The following FAM234A variants were observed in gnomAD, a reference collection of about 807,000 sequenced individuals.
FAM234A encodes family with sequence similarity 234 member A.
A neutral mutation model predicts 49.1 loss-of-function variants in FAM234A; 42 were observed. The ratio of observed to expected loss-of-function variants is 0.86; its 90% CI spans 0.67 to 1.11. The LOEUF (loss-of-function observed/expected upper bound fraction) is 1.11. FAM234A is among the 50% of genes least tolerant of loss of function. FAM234A has a pLI of 0.00. For synonymous variants in FAM234A, 369 were observed against 316.2 expected (o/e 1.17, Z -1.77); for missense variants, 815 against 745.2 (o/e 1.09, Z -1.09).
chr16:262,597 C>T lies in FAM234A; in HGVS notation c.971+44C>T, dbSNP rs776885884. On this transcript the variant is annotated intron_variant, in intron 8 of 12. Transcript: ENST00000399932. ...CTTTCTCCATGCAGAGCGCCCACCCCATGGCTCTGCTCGCCTGCCTCAGCG... is the reference window on the plus strand; with the variant it reads ...CTTTCTCCATGCAGAGCGCCCACCCTATGGCTCTGCTCGCCTGCCTCAGCG... 3.6e-5 allele frequency: 54 copies of T among 1,515,728 alleles called. No homozygotes were observed. The Middle Eastern group carries it at 2.2e-3, about 63-fold the overall frequency. 93.9% of individuals were successfully genotyped at this position (1,515,728 alleles called of 1,614,324 possible).
At chr16:249,402 G>C (rs2050919632) in intron 1 of FAM234A, 147 bp from the exon 2 acceptor site, 1 of 151,974 alleles carries the variant, frequency 6.6e-6, no homozygotes, top group Non-Finnish European at 1.5e-5. Flanking sequence ...TCCTTCTGGG[G>C]GTGGCATCAG....
chr16:263,019 C>T (rs2141359902), intron 8 of FAM234A, among the ~76,000 whole-genome samples: 2 of 152,200 alleles, frequency 1.3e-5, no homozygotes, highest in Non-Finnish European at 2.9e-5. Flanking sequence ...GGGGTTTCTC[C>T]ATGTTGGTCA....
chr16:250,475 C>T (rs947801507), intron 2 of FAM234A, among the ~76,000 whole-genome samples: 3 of 152,232 alleles, frequency 2.0e-5, no homozygotes, highest in Non-Finnish European at 4.4e-5. Context: ...GGTCGCGACT[C>T]ATTGTTTGAT....
At chr16:254,195 C>T in intron 2 of FAM234A, 186 bp from the exon 3 acceptor site, 1 of 603,092 alleles carries the variant, frequency 1.7e-6, no homozygotes, top group Non-Finnish European at 2.9e-6. Context: ...AATTAGAGAC[C>T]TTCTTAAGTA....
At chr16:254,716 AG>A (rs1567218427) in intron 3 of FAM234A, 35 bp downstream of exon 3, 1 of 1,606,756 alleles carries the variant, frequency 6.2e-7, no homozygotes, top group South Asian at 1.1e-5. Flanking sequence ...TGGGGTCCAA[AG>A]CAGCTCTTCC....
rs2051653830 is a variant in FAM234A at position 265,271 on chromosome 16, A to G, written c.*249A>G. The G allele has an allele frequency of 7.5e-7, 1 of 1,328,562 alleles. No homozygotes were observed. Among genetic ancestry groups the G allele is most frequent in the Non-Finnish European group, 9.6e-7 (1 of 1,039,774 alleles). 82.3% of individuals were successfully genotyped at this position (1,328,562 alleles called of 1,614,324 possible). On this transcript the variant is annotated 3_prime_UTR_variant, in exon 13 of 13. Coordinates refer to ENST00000399932, the MANE Select transcript of FAM234A (RefSeq NM_032039.4). ...GTCCCCACACAGGGCCTCACTCTGC[A>G]CCCCACCAGGGTCCCGCTCACACCA...
At chr16:251,689 T>G (rs1042001313) in intron 2 of FAM234A, among the ~76,000 whole-genome samples, 1 of 141,962 alleles carries the variant, frequency 7.0e-6, no homozygotes, top group East Asian at 2.0e-4. Flanking sequence ...GTTTTTTTTT[T>G]TTTTTTTTTT....
chr16:257,096 C>CTCAA (rs2051263025), intron 3 of FAM234A, among the ~76,000 whole-genome samples: 1 of 152,126 alleles, frequency 6.6e-6, no homozygotes, highest in Non-Finnish European at 1.5e-5. Context: ...CCAGGCTGAT[C>CTCAA]TCAAACTCCT....
At chr16:249,970 G>A (rs766045601) in intron 2 of FAM234A, among the ~76,000 whole-genome samples, 39 of 150,632 alleles carry the variant, frequency 2.6e-4, no homozygotes, top group Middle Eastern at 3.4e-3. Context: ...TTTTTAGACG[G>A]AGTCTCGCTC....
intron 1 of FAM234A, among the ~76,000 whole-genome samples, chr16:241,611 A>G (rs2050615240): frequency 6.6e-6 from 1 of 151,402 alleles, no homozygotes; most frequent in Non-Finnish European, 1.5e-5. Context: ...GTTTTCATCA[A>G]ATTTCTGCAA....
chr16:259,919 C>T, intron 4 of FAM234A, 50 bp from the exon 5 acceptor site: 1 of 1,551,476 alleles, frequency 6.4e-7, no homozygotes, highest in South Asian at 1.1e-5. Context: ...GCTGGCCGGC[C>T]TGCCTGCCCA....
At chr16:260,788 A>G (rs1273044474) in intron 5 of FAM234A, 1 of 382,994 alleles carries the variant, frequency 2.6e-6, no homozygotes, top group Admixed American at 3.4e-5. Context: ...GGCTGAAAAT[A>G]TTTTAAGAAT....
rs905167371 is a variant in FAM234A, at chr16:265,033, G to T, written c.*11G>T. On this transcript the variant is annotated 3_prime_UTR_variant, in exon 13 of 13. Transcript: ENST00000399932. Reference sequence around the variant, plus strand: ...CAGAGTGAGGCGTAGAGGCACGCCAGCCAGAGCCTGTGGAGAGACTCCGCC... The same window carrying T: ...CAGAGTGAGGCGTAGAGGCACGCCATCCAGAGCCTGTGGAGAGACTCCGCC... 1.3e-6 allele frequency: 2 copies of T among 1,589,118 alleles called. No homozygotes were observed. Among genetic ancestry groups the T allele is most frequent in the African/African-American group, 1.3e-5 (1 of 74,614 alleles).
chr16:262,456 C>T lies in FAM234A; in HGVS notation c.874C>T (p.Leu292Phe). 6.2e-7 allele frequency: 1 copy of T among 1,611,194 alleles called. No homozygotes were observed. The highest frequency in any genetic ancestry group is 8.5e-7 in the Non-Finnish European group (1 of 1,178,562). Residue 292 changes from leucine to phenylalanine, a missense_variant, in exon 8 of 13, where the codon CTC becomes TTC. Leu to Phe is a conservative substitution (Grantham distance 22). Transcript: ENST00000399932. The part of the protein sequence containing the change: ...SSLCGCSVKG[L>F]YEKVTGSGGP... ...CCTCTGCGGCTGCTCTGTGAAGGGT[C>T]TCTACGAGAAGGTGACCGGGAGCGG... is the stretch of plus-strand genomic sequence containing the variant.
Position 264,938 on chromosome 16 carries a change from G to GGTCC in FAM234A, c.1577_1580dup (p.Leu528ProfsTer4). ...GGGACCTTGTCCCAAGCAGCAGGGT[G>GGTCC]GTCCGCCTGGGTGAGGGTGGGCCAG... On this transcript the variant is annotated frameshift_variant, in exon 13 of 13. Coordinates refer to ENST00000399932, the MANE Select transcript of FAM234A (RefSeq NM_032039.4). LOFTEE classifies it high-confidence loss of function. 6.2e-7 allele frequency: 1 copy of GGTCC among 1,612,982 alleles called. No individual in the cohort carries two copies. Among genetic ancestry groups the GGTCC allele is most frequent in the Non-Finnish European group, 8.5e-7 (1 of 1,179,820 alleles).
downstream of FAM234A, chr16:269,323 G>A (rs1419030226): frequency 2.5e-6 from 4 of 1,600,744 alleles, no homozygotes; most frequent in South Asian, 3.4e-5. Flanking sequence ...GCTCCACAGG[G>A]GTGGGAAGGA....
In FAM234A at chr16:257,236, CTTTTTTTTT is replaced by C. The variant is rs759071082; in HGVS notation, c.269-2229_269-2221del. ...TAAAAGCTTTTAGTTTCAATGAAGTCTTTTTTTTTTTTTTTTTTTTTTTTTTGGAGACAG... is the reference window on the plus strand; with the variant it reads ...TAAAAGCTTTTAGTTTCAATGAAGTCTTTTTTTTTTTTTTTTTGGAGACAG... On this transcript the variant is annotated intron_variant, in intron 3 of 12. Coordinates refer to ENST00000399932, the MANE Select transcript of FAM234A (RefSeq NM_032039.4). 4.9e-4 allele frequency among the ~76,000 whole-genome samples: 44 copies of C among 89,014 alleles called. No homozygotes were observed. The South Asian group carries it at 0.012, about 25-fold the overall frequency. 58.4% of individuals were successfully genotyped at this position (89,014 alleles called of 152,430 possible).
At chr16:267,547 G>A (rs551499924), downstream of FAM234A, among the ~76,000 whole-genome samples, 636 of 151,204 alleles carry the variant, frequency 4.2e-3, 11 homozygotes, top group African/African-American at 0.015. Context: ...ACACATGCAT[G>A]CCTCACAGTA....
chr16:265,856 C>T lies in FAM234A; in HGVS notation c.*834C>T, dbSNP rs536594539. ...AGCTGCTCTGTCCCTGAAGAGGCCC[C>T]GTGCCCCAGGCATGGCAAGCGCCTG... On this transcript the variant is annotated 3_prime_UTR_variant, in exon 13 of 13. Transcript: ENST00000399932. 30 of 986,016 alleles carry T rather than the reference C, an allele frequency of 3.0e-5. No individual in the cohort carries two copies. The highest frequency in any genetic ancestry group is 2.3e-4 in the South Asian group (5 of 21,290). 61.1% of individuals were successfully genotyped at this position (986,016 alleles called of 1,614,324 possible).
Sources: gnomAD v4.1 joint callset for allele counts (sites outside exome capture counted in the v4.1 genomes callset) on GRCh38, gnomAD v4.1.1 for gene constraint, MANE v1.5 for transcripts, NCBI Gene and HGNC (gene_info 2026-07-23, HGNC 2026-07-21) for gene names.